MED12: variants seen among roughly 807,000 people sequenced by gnomAD.
The protein encoded by MED12 is mediator complex subunit 12.
In MED12, 10 loss-of-function variants were observed where a neutral mutation model predicts 177.7. The ratio of observed to expected loss-of-function variants is 0.06; its 90% CI spans 0.03 to 0.10. The LOEUF is 0.10. Among genes scored for constraint, MED12 ranks in the 10% least tolerant of loss-of-function variants. The pLI is 1.00. For synonymous variants in MED12, 641 were observed against 678.4 expected (o/e 0.94, Z 0.86); for missense variants, 867 against 1,780.8 (o/e 0.49, Z 9.23).
rs762659794 is a variant in MED12 at position 71,137,288 on chromosome X, G to A, written c.5653G>A (p.Val1885Ile). The change falls in exon 39 of 45, where the codon GTC (valine) becomes ATC (isoleucine). Residue 1885 changes from valine to isoleucine, a missense_variant. By Grantham distance (29) the Val-to-Ile change is conservative. Around this residue, in one of 14 missense-constraint regions of MED12, gnomAD observed 236 missense variants for 345.2 expected, o/e 0.68. Transcript: ENST00000374080. Reference protein sequence around the residue: ...PGVLPTTMTGVMGLEPSSYKT... With the variant: ...PGVLPTTMTGIMGLEPSSYKT... ...AGTGCTGCCCACAACCATGACTGGC[G>A]TCATGGGTTTAGAACCCTCCTCTTA... 1.7e-5 allele frequency: 21 copies of A among 1,209,896 alleles called. No individual in the cohort carries two copies. Among genetic ancestry groups the A allele is most frequent in the African/African-American group, 7.0e-5 (4 of 57,153 alleles).
In MED12 at chrX:71,136,507, C is replaced by T. The variant is rs748064846; in HGVS notation, c.5252C>T (p.Pro1751Leu). The T allele has an allele frequency of 2.3e-5, 28 of 1,201,147 alleles. No individual in the cohort carries two copies. The highest frequency in any genetic ancestry group is 9.0e-5 in the South Asian group (5 of 55,835). The change falls in exon 37 of 45, where the codon CCG (proline) becomes CTG (leucine). Residue 1751 changes from proline (P) to leucine (L), a missense_variant. Pro to Leu is a moderately conservative substitution (Grantham distance 98). Coordinates refer to ENST00000374080, the MANE Select transcript of MED12 (RefSeq NM_005120.3). Reference protein sequence around the residue: ...PLPLPPEDEEPPAPTLLEPEK... With the variant: ...PLPLPPEDEELPAPTLLEPEK... ...CCACTGCCCCCAGAAGATGAGGAGC[C>T]GCCTGCTCCTACCCTGCTAGAGCCT...
At chrX:71,132,785 CT>C (rs2092321585) in intron 31 of MED12, 59 bp from the exon 32 acceptor site, 1 of 343,663 alleles carries the variant, frequency 2.9e-6, no homozygotes, top group African/African-American at 4.4e-5. Flanking sequence ...CTTCTCTTCT[CT>C]TCTCTTCTCT....
intron 36 of MED12, among the ~76,000 whole-genome samples, chrX:71,135,763 C>T (rs919309837): frequency 2.7e-5 from 3 of 111,613 alleles, no homozygotes; most frequent in South Asian, 3.7e-4. Context: ...TCTTTTCCTC[C>T]GTCTCTGTCT....
At position 71,125,449 on chromosome X, in the gene MED12, C is replaced by G. The variant is rs2147793224; in HGVS notation, c.2325C>G (p.Thr775=). 2.5e-6 allele frequency: 3 copies of G among 1,210,421 alleles called. No homozygotes were observed. Among genetic ancestry groups the G allele is most frequent in the Non-Finnish European group, 3.4e-6 (3 of 894,789 alleles). ...DDARHAIKKI[T]KDILKVLNRK... is the part of the protein sequence containing the mutation. ...CCCGCCATGCCATCAAGAAAATCACCAAGGATATCTTGAAGGTTCTGAACC... is the reference window on the plus strand; with the variant it reads ...CCCGCCATGCCATCAAGAAAATCACGAAGGATATCTTGAAGGTTCTGAACC... The change falls in exon 16 of 45, where the codon ACC becomes ACG. Residue 775 remains threonine, a synonymous_variant. Coordinates refer to ENST00000374080, the MANE Select transcript of MED12 (RefSeq NM_005120.3).
chrX:71,142,304 A>G lies in MED12; in HGVS notation c.*86A>G. ...ATCCCATTCCTGGGCTAGCACCAGT[A>G]GTGGTTGGGGCCCTCCCCTCAGGCT... On this transcript the variant is annotated 3_prime_UTR_variant, in exon 45 of 45. Transcript: ENST00000374080. The G allele has an allele frequency of 1.0e-6, 1 of 1,001,946 alleles. No individual in the cohort carries two copies. Among genetic ancestry groups the G allele is most frequent in the Non-Finnish European group, 1.4e-6 (1 of 705,216 alleles). The allele number at this position is 1,001,946 out of a possible 1,213,427, so 82.6% of individuals were successfully genotyped here.
At position 71,134,217 on chromosome X, in the gene MED12, C is replaced by T. The variant is rs761934313; in HGVS notation, c.4618-140C>T. ...CTGCACTCTAGCCTGGGTGACAGAG[C>T]GAGACTCCGTCTCAAAAAAAAAAAA... On this transcript the variant is annotated intron_variant, in intron 33 of 44. Transcript: ENST00000374080. 5.1e-4 allele frequency: 211 copies of T among 416,551 alleles called. 2 individuals carry two copies. The East Asian group carries it at 7.9e-3, about 16-fold the overall frequency. 34.3% of individuals were successfully genotyped at this position (416,551 alleles called of 1,213,427 possible). A position where few individuals can be genotyped will look rare whatever the true frequency, so the allele number is the denominator to read the frequency against.
At chrX:71,122,400 C>T in intron 8 of MED12, 54 bp downstream of exon 8, 1 of 1,200,925 alleles carries the variant, frequency 8.3e-7, no homozygotes, top group Non-Finnish European at 1.1e-6. Context: ...GGCTAAATTA[C>T]TCTTTCAGAA....
At chrX:71,124,484 G>T in intron 13 of MED12, 96 bp downstream of exon 13, 1 of 673,958 alleles carries the variant, frequency 1.5e-6, no homozygotes, top group Non-Finnish European at 2.3e-6. Flanking sequence ...CCTGGGGGAG[G>T]GGGGTAGTAT....
chrX:71,135,318 A>G, intron 36 of MED12, 65 bp downstream of exon 36: 1 of 1,156,476 alleles, frequency 8.6e-7, no homozygotes, highest in Non-Finnish European at 1.2e-6. Context: ...CTTTGCCTGC[A>G]TCAGCTTTGT....
chrX:71,141,797 A>G (rs1341403243), intron 43 of MED12, 86 bp from the exon 44 acceptor site: 3 of 865,182 alleles, frequency 3.5e-6, no homozygotes, highest in Admixed American at 2.5e-5. Flanking sequence ...GCGAGACTCC[A>G]TCTCAAAAAA....
In MED12 at chrX:71,140,755, G is replaced by A. The variant is rs2092345036; in HGVS notation, c.6165G>A (p.Gln2055=). ...TAILPEQQQQ[Q]QQQQQQQQQQ... ...TCCTACCTGAGCAGCAGCAGCAGCAGCAACAGCAGCAACAGCAACAGCAGC... is the reference window on the plus strand; with the variant it reads ...TCCTACCTGAGCAGCAGCAGCAGCAACAACAGCAGCAACAGCAACAGCAGC... The change falls in exon 42 of 45, where the codon CAG becomes CAA. Residue 2055 remains glutamine (Q), a synonymous_variant. Coordinates refer to ENST00000374080, the MANE Select transcript of MED12 (RefSeq NM_005120.3). 2 of 1,207,617 alleles carry A rather than the reference G, an allele frequency of 1.7e-6. No individual in the cohort carries two copies. Among genetic ancestry groups the A allele is most frequent in the Non-Finnish European group, 2.2e-6 (2 of 894,370 alleles).
rs767857185 is a variant in MED12 at position 71,123,214 on chromosome X, G to A, written c.1605G>A (p.Glu535=). 4 of 1,211,708 alleles carry A rather than the reference G, an allele frequency of 3.3e-6. No individual in the cohort carries two copies. In the South Asian group the frequency reaches 7.0e-5, roughly 21 times the overall value. ...VAKLLEKRQA[E]IEAERCGESE... is the part of the protein sequence containing the mutation. ...AGCTCCTGGAGAAGAGACAGGCGGA[G>A]ATTGAGGCTGAGGTTAGAGGGCAGA... Residue 535 remains glutamate, a synonymous_variant, in exon 11 of 45, where the codon GAG becomes GAA. Transcript: ENST00000374080.
At chrX:71,139,104 G>T (rs932927475) in intron 41 of MED12, among the ~76,000 whole-genome samples, 1 of 112,332 alleles carries the variant, frequency 8.9e-6, no homozygotes, top group Non-Finnish European at 1.9e-5. Context: ...TATAGCTGGG[G>T]AGATGAGACT....
chrX:71,125,207 T>C, intron 15 of MED12, 61 bp downstream of exon 15: 1 of 1,196,465 alleles, frequency 8.4e-7, no homozygotes, highest in Non-Finnish European at 1.1e-6. Flanking sequence ...TCAAAGGAAT[T>C]TGCTGAGGGG....
chrX:71,138,764 A>G (rs1350868325), intron 41 of MED12, among the ~76,000 whole-genome samples: 2 of 110,391 alleles, frequency 1.8e-5, no homozygotes, highest in African/African-American at 3.3e-5. Context: ...CAAAAAAAAA[A>G]GAAGAAAGAA....
Position 71,131,533 on chromosome X carries a change from T to C in MED12, c.4048-17T>C. The stretch of plus-strand genomic sequence containing the variant: ...AACACGATGATGACTAGCCTGGGTG[T>C]GGGGCCTCTATCACAGAACTTGGAC... On this transcript the variant is annotated splice_polypyrimidine_tract_variant and intron_variant, in intron 28 of 44. Coordinates refer to ENST00000374080, the MANE Select transcript of MED12 (RefSeq NM_005120.3). The C allele has an allele frequency of 9.1e-6, 11 of 1,208,644 alleles. No homozygotes were observed. The highest frequency in any genetic ancestry group is 1.1e-5 in the Non-Finnish European group (10 of 893,127).
chrX:71,125,278 G>A, intron 15 of MED12, 73 bp from the exon 16 acceptor site: 2 of 1,200,802 alleles, frequency 1.7e-6, no homozygotes, highest in South Asian at 1.8e-5. Flanking sequence ...TGGATGCTGA[G>A]GGGTGTGGAG....
At chrX:71,118,881 G>C (rs2092281732) in intron 1 of MED12, 28 bp downstream of exon 1, 4 of 1,161,288 alleles carry the variant, frequency 3.4e-6, no homozygotes, top group Non-Finnish European at 4.7e-6. Context: ...GGCTCTGGAG[G>C]GGCCGGGGGC....
At chrX:71,134,577 C>T (rs1444458839) in intron 34 of MED12, 111 bp downstream of exon 34, 8 of 973,640 alleles carry the variant, frequency 8.2e-6, no homozygotes, top group Non-Finnish European at 8.8e-6. Context: ...GACTCCGTGG[C>T]CCTGGGCTCC....
Sources: allele counts gnomAD v4.1 joint callset (sites outside exome capture counted in the v4.1 genomes callset), GRCh38; gene constraint gnomAD v4.1.1; regional missense constraint gnomAD v4.1.1; transcripts MANE v1.5; gene names NCBI Gene and HGNC (gene_info 2026-07-23, HGNC 2026-07-21).